Variants in GALNT7 observed in about 807,000 individuals in gnomAD.
GALNT7 encodes the protein polypeptide N-acetylgalactosaminyltransferase 7, also known as N-acetylgalactosaminyltransferase 7.
In GALNT7, 60 loss-of-function variants were observed where a neutral mutation model predicts 82.1. The observed-to-expected ratio is 0.73, with a 90% CI of 0.59 to 0.91. The LOEUF (loss-of-function observed/expected upper bound fraction) is 0.91. Among genes scored for constraint, GALNT7 ranks in the 40% least tolerant of loss-of-function variants. The pLI is 0.00. For missense variants in GALNT7, 660 were observed against 804.2 expected, an observed-to-expected ratio of 0.82 and a Z score of 2.17; for synonymous variants, 243 against 275.1, an observed-to-expected ratio of 0.88 and a Z score of 1.15.
intron 2 of GALNT7, among the ~76,000 whole-genome samples, chr4:173,291,207 A>C (rs1260333399): frequency 6.6e-6 from 1 of 152,204 alleles, no homozygotes; most frequent in Non-Finnish European, 1.5e-5. Flanking sequence ...CAGAAGAAGA[A>C]AAATGTTGCC....
In GALNT7 at chr4:173,318,410, TTC is replaced by T. The variant is rs756381008; in HGVS notation, c.1708-15_1708-14del. 60 of 1,585,962 alleles carry T rather than the reference TTC, an allele frequency of 3.8e-5. No individual in the cohort carries two copies. The Admixed American group carries it at 7.5e-4, about 20-fold the overall frequency. On this transcript the variant is annotated intron_variant, in intron 10 of 11. Transcript: ENST00000265000. Reference sequence around the variant, plus strand: ...CAGGGAAGGTGCCTCTGTTACTTAATTCTCTCTTTTCCTTTTACAGCTTTTCA... The same window carrying T: ...CAGGGAAGGTGCCTCTGTTACTTAATTCTCTTTTCCTTTTACAGCTTTTCA...
At chr4:173,185,161 T>C (rs1732426825) in intron 1 of GALNT7, among the ~76,000 whole-genome samples, 2 of 152,226 alleles carry the variant, frequency 1.3e-5, no homozygotes, top group African/African-American at 2.4e-5. Flanking sequence ...AGGTTTGTCA[T>C]GAAGCAAAAT....
intron 8 of GALNT7, among the ~76,000 whole-genome samples, chr4:173,308,148 C>A (rs1237799285): frequency 4.6e-5 from 7 of 152,156 alleles, no homozygotes; most frequent in African/African-American, 1.4e-4. Flanking sequence ...TGTGTTGCTG[C>A]AGATTCTTCA....
rs922745021 is a variant in GALNT7, at chr4:173,232,022, G to A, written c.127-15958G>A. Among the ~76,000 whole-genome samples the A allele has an allele frequency of 1.3e-5, 2 of 152,178 alleles. 1 individual carries two copies. The highest frequency in any genetic ancestry group is 4.1e-4 in the South Asian group (2 of 4,832). Reference sequence around the variant, plus strand: ...ACTGGAACTAGAGCAGATGGTGGGGGCTGAGTCTTTATAAATGGAATTGGA... The same window carrying A: ...ACTGGAACTAGAGCAGATGGTGGGGACTGAGTCTTTATAAATGGAATTGGA... On this transcript the variant is annotated intron_variant, in intron 1 of 11. Transcript: ENST00000265000.
In GALNT7 at chr4:173,314,445, T is replaced by A. The variant is rs187349121; in HGVS notation, c.1608+269T>A. On this transcript the variant is annotated intron_variant, in intron 9 of 11. Transcript: ENST00000265000. ...CTCCTGGCGCCTCCATGCCTCTTAC[T>A]CCAACTCCCTTCCTTAACTAATTTC... Among the ~76,000 whole-genome samples the A allele has an allele frequency of 3.3e-3, 500 of 152,284 alleles. 2 individuals are homozygous for A. Among genetic ancestry groups the A allele is most frequent in the African/African-American group, 0.011 (475 of 41,572 alleles).
chr4:173,277,927 A>G (rs1735974323), intron 2 of GALNT7, among the ~76,000 whole-genome samples: 1 of 152,208 alleles, frequency 6.6e-6, no homozygotes, highest in African/African-American at 2.4e-5. Context: ...TTACAGCACC[A>G]GCTATTGAGG....
chr4:173,287,308 G>C (rs1222048411), intron 2 of GALNT7, among the ~76,000 whole-genome samples: 1 of 152,208 alleles, frequency 6.6e-6, no homozygotes, highest in African/African-American at 2.4e-5. Context: ...AAGGGCACTG[G>C]TATTTTCCCC....
At chr4:173,304,360 C>G (rs971173343) in intron 8 of GALNT7, among the ~76,000 whole-genome samples, 3 of 151,680 alleles carry the variant, frequency 2.0e-5, no homozygotes, top group African/African-American at 2.4e-5. Flanking sequence ...GATTGCACCA[C>G]TGCACTCCCC....
At chr4:173,213,661 T>C (rs983136658) in intron 1 of GALNT7, among the ~76,000 whole-genome samples, 1 of 152,156 alleles carries the variant, frequency 6.6e-6, no homozygotes, top group Non-Finnish European at 1.5e-5. Context: ...TATATAGTGA[T>C]TATTTCTCGG....
intron 1 of GALNT7, among the ~76,000 whole-genome samples, chr4:173,212,720 A>C (rs552564965): frequency 2.5e-5 from 2 of 80,420 alleles, no homozygotes; most frequent in East Asian, 1.1e-3. Context: ...AAAATGATTT[A>C]AAATATTTTG....
At chr4:173,178,005 G>GCAACACATATTAGTCTTTTT (rs1732108339) in intron 1 of GALNT7, among the ~76,000 whole-genome samples, 1 of 114,670 alleles carries the variant, frequency 8.7e-6, no homozygotes, top group African/African-American at 3.4e-5. Flanking sequence ...CTATCCGCAA[G>GCAACACATATTAGTCTTTTT]TCTGTGTGTG....
At chr4:173,283,315 T>C (rs1278075718) in intron 2 of GALNT7, among the ~76,000 whole-genome samples, 1 of 152,198 alleles carries the variant, frequency 6.6e-6, no homozygotes, top group Non-Finnish European at 1.5e-5. Flanking sequence ...TTGGCTTTGA[T>C]GGAACTTTGT....
At chr4:173,275,767 A>G (rs1041526831) in intron 2 of GALNT7, among the ~76,000 whole-genome samples, 3 of 152,224 alleles carry the variant, frequency 2.0e-5, no homozygotes, top group African/African-American at 7.2e-5. Context: ...AATCTGTCCC[A>G]GGAAAAGTTC....
At chr4:173,278,983 A>G (rs1201087153) in intron 2 of GALNT7, among the ~76,000 whole-genome samples, 1 of 152,338 alleles carries the variant, frequency 6.6e-6, no homozygotes, top group African/African-American at 2.4e-5. Context: ...ACTTTGTGTC[A>G]TTCCAACCAG....
At position 173,173,079 on chromosome 4, in the gene GALNT7, T is replaced by C. The variant is rs190847681; in HGVS notation, c.126+4118T>C. Reference sequence around the variant, plus strand: ...GGTGGTAGAGATAGAAAAAAATAAATTGATTCAAGAGCTCCTAAAGATGCA... The same window carrying C: ...GGTGGTAGAGATAGAAAAAAATAAACTGATTCAAGAGCTCCTAAAGATGCA... On this transcript the variant is annotated intron_variant, in intron 1 of 11. Coordinates refer to ENST00000265000, the MANE Select transcript of GALNT7 (RefSeq NM_017423.3). 2.7e-3 allele frequency among the ~76,000 whole-genome samples: 404 copies of C among 152,162 alleles called. 2 individuals are homozygous for C. The highest frequency in any genetic ancestry group is 4.6e-3 in the Non-Finnish European group (316 of 67,998).
At chr4:173,215,920 G>A (rs1579919259) in intron 1 of GALNT7, among the ~76,000 whole-genome samples, 2 of 152,062 alleles carry the variant, frequency 1.3e-5, no homozygotes, top group East Asian at 3.9e-4. Flanking sequence ...ACCAGCCTGG[G>A]CAACATGGTG....
intron 1 of GALNT7, among the ~76,000 whole-genome samples, chr4:173,235,638 C>T (rs574687831): frequency 2.0e-5 from 3 of 151,072 alleles, no homozygotes; most frequent in African/African-American, 7.3e-5. Flanking sequence ...TCACTGCATG[C>T]TCCACCGCCC....
intron 1 of GALNT7, among the ~76,000 whole-genome samples, chr4:173,223,266 C>CCCTTTTTCACACCATATCCTG (rs1733699960): frequency 6.6e-6 from 1 of 152,184 alleles, no homozygotes. Flanking sequence ...AACTTCCCCT[C>CCCTTTTTCACACCATATCCTG]CCTTTTTCAC....
intron 8 of GALNT7, among the ~76,000 whole-genome samples, chr4:173,306,969 A>C (rs1561198634): frequency 6.6e-6 from 1 of 152,152 alleles, no homozygotes; most frequent in Non-Finnish European, 1.5e-5. Context: ...GTGTGAGGGT[A>C]CTTGCTTGGT....
Sources: allele counts gnomAD v4.1 joint callset (sites outside exome capture counted in the v4.1 genomes callset), GRCh38; gene constraint gnomAD v4.1.1; transcripts MANE v1.5; gene names NCBI Gene and HGNC (gene_info 2026-07-23, HGNC 2026-07-21).